Variants in LY86 observed in about 807,000 individuals in gnomAD.
The protein encoded by LY86 is lymphocyte antigen 86, also known as MD-1, RP105-associated.
Under a neutral mutation model 17.3 loss-of-function variants are expected in LY86, and 20 were observed. That is an observed-to-expected ratio of 1.15 (90% CI 0.81 to 1.68). LY86 has a LOEUF of 1.68. Among genes scored for constraint, LY86 ranks in the 40% most tolerant of loss-of-function variants. The pLI, the probability that LY86 is intolerant of heterozygous loss-of-function variation, is 0.00. For synonymous variants in LY86, 74 were observed against 70.6 expected (o/e 1.05, Z -0.24); for missense variants, 200 against 191.9 (o/e 1.04, Z -0.25).
At chr6:6,629,982 A>G (rs1761873995) in intron 3 of LY86, among the ~76,000 whole-genome samples, 1 of 152,340 alleles carries the variant, frequency 6.6e-6, no homozygotes, top group East Asian at 1.9e-4. Context: ...CATGCTATAA[A>G]AGTGTAGTCA....
intron 1 of LY86, among the ~76,000 whole-genome samples, chr6:6,605,756 C>T (rs1289673952): frequency 4.6e-5 from 7 of 152,214 alleles, no homozygotes; most frequent in East Asian, 1.9e-4. Flanking sequence ...GTGTCCAGAA[C>T]TTATTCTTTC....
At chr6:6,605,798 T>C (rs1761107766) in intron 1 of LY86, among the ~76,000 whole-genome samples, 1 of 151,922 alleles carries the variant, frequency 6.6e-6, no homozygotes, top group African/African-American at 2.4e-5. Flanking sequence ...TTCTTCCTTT[T>C]GGTGGGGTTC....
At chr6:6,606,487 G>A (rs911149969) in intron 1 of LY86, among the ~76,000 whole-genome samples, 8 of 152,210 alleles carry the variant, frequency 5.3e-5, no homozygotes, top group African/African-American at 1.9e-4. Context: ...CTCAGCCCTT[G>A]GGTGGTCGAT....
intron 3 of LY86, among the ~76,000 whole-genome samples, chr6:6,638,645 A>G (rs1761993914): frequency 7.0e-6 from 1 of 142,364 alleles, no homozygotes; most frequent in Non-Finnish European, 1.6e-5. Flanking sequence ...AGTAGTATCT[A>G]TACTGCTCTA....
At chr6:6,599,543 T>C (rs530273711) in intron 1 of LY86, among the ~76,000 whole-genome samples, 1 of 152,342 alleles carries the variant, frequency 6.6e-6, no homozygotes, top group East Asian at 1.9e-4. Context: ...TGACTGGTTT[T>C]TGACAGTGTC....
intron 1 of LY86, among the ~76,000 whole-genome samples, chr6:6,605,206 G>T (rs1270914442): frequency 2.6e-5 from 4 of 152,184 alleles, no homozygotes; most frequent in African/African-American, 9.7e-5. Flanking sequence ...GAATGTGTTA[G>T]ATTTCTATTT....
intron 3 of LY86, among the ~76,000 whole-genome samples, chr6:6,630,145 G>C (rs748741074): frequency 6.6e-6 from 1 of 152,114 alleles, no homozygotes; most frequent in African/African-American, 2.4e-5. Flanking sequence ...AATTTGCAAG[G>C]TTACTCTTTT....
chr6:6,637,004 G>GTT (rs34996349), intron 3 of LY86, among the ~76,000 whole-genome samples: 5,596 of 109,820 alleles, frequency 0.051, 270 homozygotes, highest in East Asian at 0.18. Context: ...AAGCATATTG[G>GTT]TTTTTTTTTT....
intron 3 of LY86, among the ~76,000 whole-genome samples, chr6:6,634,558 G>A (rs905962856): frequency 1.3e-4 from 20 of 152,182 alleles, no homozygotes; most frequent in Non-Finnish European, 2.5e-4. Flanking sequence ...GTGTAACCAC[G>A]GTGGGTGCTT....
intron 4 of LY86, 62 bp from the exon 5 acceptor site, chr6:6,654,482 T>C: frequency 2.4e-6 from 3 of 1,269,296 alleles, no homozygotes; most frequent in Non-Finnish European, 2.3e-6. Flanking sequence ...CTGTAAATAT[T>C]TGTTAAATGG....
intron 1 of LY86, among the ~76,000 whole-genome samples, chr6:6,605,195 A>C (rs1761066156): frequency 6.6e-6 from 1 of 152,250 alleles, no homozygotes; most frequent in South Asian, 2.1e-4. Flanking sequence ...ATTTGGAACA[A>C]GAATGTGTTA....
chr6:6,644,231 G>A (rs1197017505), intron 3 of LY86, among the ~76,000 whole-genome samples: 3 of 152,164 alleles, frequency 2.0e-5, no homozygotes, highest in Non-Finnish European at 4.4e-5. Flanking sequence ...GGCAGACCAG[G>A]ACACAGGACC....
chr6:6,589,149 A>G (rs1255677125), intron 1 of LY86, among the ~76,000 whole-genome samples: 1 of 152,210 alleles, frequency 6.6e-6, no homozygotes, highest in Non-Finnish European at 1.5e-5. Flanking sequence ...ACAGAACCCA[A>G]AAAAGAACAA....
chr6:6,645,049 G>A (rs942515671), intron 3 of LY86, among the ~76,000 whole-genome samples: 4 of 152,184 alleles, frequency 2.6e-5, no homozygotes, highest in Middle Eastern at 3.4e-3. Flanking sequence ...TAATGGTGAA[G>A]AACACAAATG....
At chr6:6,614,377 C>CTTTT (rs57187485) in intron 1 of LY86, among the ~76,000 whole-genome samples, 3 of 145,550 alleles carry the variant, frequency 2.1e-5, no homozygotes, top group East Asian at 2.0e-4. Context: ...AATCACGTCT[C>CTTTT]TTTTTTTTTT....
intron 1 of LY86, among the ~76,000 whole-genome samples, chr6:6,607,151 A>G (rs1384069518): frequency 6.6e-6 from 1 of 152,270 alleles, no homozygotes; most frequent in African/African-American, 2.4e-5. Flanking sequence ...ACATTAAAGC[A>G]TTCTCATGTC....
At position 6,588,793 on chromosome 6, in the gene LY86, G is replaced by A. The variant is rs532377967; in HGVS notation, c.59G>A (p.Gly20Glu). Residue 20 changes from glycine (G) to glutamate (E), a missense_variant, in exon 1 of 5, where the codon GGA becomes GAA. By Grantham distance (98) the Gly-to-Glu change is moderately conservative. Transcript: ENST00000230568. ...LWTLIFPSCS[G>E]GGGGKAWPTH... is the part of the protein sequence containing the mutation. ...ACTCTGATTTTTCCCAGCTGCAGTG[G>A]AGGCGGCGGTGGGAAAGCCTGGCCC... is the stretch of plus-strand genomic sequence containing the variant. 5.6e-6 allele frequency: 9 copies of A among 1,614,190 alleles called. No individual in the cohort carries two copies. Among genetic ancestry groups the A allele is most frequent in the Non-Finnish European group, 7.6e-6 (9 of 1,180,016 alleles).
At chr6:6,616,960 C>CAAAAGAG (rs1761570496) in intron 1 of LY86, among the ~76,000 whole-genome samples, 1 of 152,192 alleles carries the variant, frequency 6.6e-6, no homozygotes, top group African/African-American at 2.4e-5. Flanking sequence ...TCCCGCTGTC[C>CAAAAGAG]CTAAGCCAGG....
chr6:6,625,100 G>A, intron 2 of LY86, 88 bp downstream of exon 2: 1 of 602,924 alleles, frequency 1.7e-6, no homozygotes. Flanking sequence ...TAACTGTAAT[G>A]ACTGGCTAAA....
Sources: allele counts gnomAD v4.1 joint callset (sites outside exome capture counted in the v4.1 genomes callset), GRCh38; gene constraint gnomAD v4.1.1; transcripts MANE v1.5; gene names NCBI Gene and HGNC (gene_info 2026-07-23, HGNC 2026-07-21).